Variants in PSEN1 observed in about 807,000 individuals in gnomAD.
The protein encoded by PSEN1 is presenilin 1, also known as presenilin-1.
In PSEN1, 15 loss-of-function variants were observed where a neutral mutation model predicts 53.5. The ratio of observed to expected loss-of-function variants is 0.28; its 90% confidence interval spans 0.19 to 0.43. The LOEUF (loss-of-function observed/expected upper bound fraction) is 0.43, where lower values mean the gene tolerates loss of function less well. PSEN1 is among the 20% of genes least tolerant of loss of function. The pLI, the probability that PSEN1 is intolerant of heterozygous loss-of-function variation, is 1.00. For synonymous variants in PSEN1, 208 were observed against 209.8 expected, an observed-to-expected ratio of 0.99 and a Z score of 0.08; for missense variants, 387 against 571.2, an observed-to-expected ratio of 0.68 and a Z score of 3.29.
intron 3 of PSEN1, among the ~76,000 whole-genome samples, chr14:73,162,131 A>G (rs1033306436): frequency 6.6e-6 from 1 of 151,216 alleles, no homozygotes; most frequent in Admixed American, 6.6e-5. Context: ...GTGAGCCAAG[A>G]TTGCGCCACT....
At chr14:73,177,484 G>T (rs1030157276) in intron 5 of PSEN1, among the ~76,000 whole-genome samples, 1 of 152,180 alleles carries the variant, frequency 6.6e-6, no homozygotes, top group African/African-American at 2.4e-5. Context: ...GAGCCGCTAT[G>T]CCAGGACAGC....
At chr14:73,184,660 C>T (rs1898403284) in intron 5 of PSEN1, among the ~76,000 whole-genome samples, 1 of 147,116 alleles carries the variant, frequency 6.8e-6, no homozygotes, top group Non-Finnish European at 1.5e-5. Context: ...CCCCCCACCT[C>T]CCTCCCGGAC....
intron 5 of PSEN1, among the ~76,000 whole-genome samples, chr14:73,177,573 A>G (rs1898082456): frequency 6.6e-6 from 1 of 152,156 alleles, no homozygotes. Context: ...AGCTGGCCTC[A>G]ATTTGTTTTA....
Position 73,179,541 on chromosome 14 carries a change from C to T in PSEN1, c.480+5834C>T, listed in dbSNP as rs535702249. Among the ~76,000 whole-genome samples the T allele has an allele frequency of 3.3e-5, 5 of 152,196 alleles. No homozygotes were observed. The East Asian group carries it at 7.7e-4, about 24-fold the overall frequency. On this transcript the variant is annotated intron_variant, in intron 5 of 11. Coordinates refer to ENST00000324501, the MANE Select transcript of PSEN1 (RefSeq NM_000021.4). ...CTGAGGCAGGAGTATTGCTTGAACC[C>T]GGGAGGCAGAGGTTGCAGTGAGCCA... is the stretch of plus-strand genomic sequence containing the variant.
In PSEN1 at chr14:73,210,884, A is replaced by C. The variant is rs140481942; in HGVS notation, c.956-885A>C. Among the ~76,000 whole-genome samples, 499 of 152,312 alleles carry C rather than the reference A, an allele frequency of 3.3e-3. 2 individuals are homozygous for C. The highest frequency in any genetic ancestry group is 6.1e-3 in the Non-Finnish European group (413 of 68,022). ...ACTTTGAACTTCACTTATATATTTT[A>C]ATTATTTTTAATGTATGGAAGTTTT... On this transcript the variant is annotated intron_variant, in intron 9 of 11. Coordinates refer to ENST00000324501, the MANE Select transcript of PSEN1 (RefSeq NM_000021.4).
chr14:73,185,472 GCAA>G (rs1349647807), intron 5 of PSEN1, among the ~76,000 whole-genome samples: 1 of 152,232 alleles, frequency 6.6e-6, no homozygotes, highest in Admixed American at 6.5e-5. Flanking sequence ...GCGTGAGTCT[GCAA>G]TCGCAGGCAC....
At chr14:73,143,677 G>A (rs950765975) in intron 1 of PSEN1, among the ~76,000 whole-genome samples, 8 of 152,078 alleles carry the variant, frequency 5.3e-5, no homozygotes, top group African/African-American at 1.4e-4. Flanking sequence ...TGTAATAACC[G>A]AACAGATCCT....
chr14:73,171,378 TG>T (rs1370888561), intron 4 of PSEN1, among the ~76,000 whole-genome samples: 11 of 152,234 alleles, frequency 7.2e-5, no homozygotes, highest in Non-Finnish European at 1.5e-5. Context: ...TTTCTAACTT[TG>T]GTGGATTAAA....
intron 6 of PSEN1, among the ~76,000 whole-genome samples, chr14:73,190,954 A>G (rs973538096): frequency 6.6e-6 from 1 of 152,250 alleles, no homozygotes; most frequent in Non-Finnish European, 1.5e-5. Context: ...TGGAATTTCA[A>G]AGTGGGAGAG....
intron 9 of PSEN1, among the ~76,000 whole-genome samples, chr14:73,210,521 T>C (rs1899634352): frequency 6.6e-6 from 1 of 152,118 alleles, no homozygotes; most frequent in South Asian, 2.1e-4. Context: ...TTATAATTAA[T>C]TATGGAGGTA....
intron 1 of PSEN1, among the ~76,000 whole-genome samples, chr14:73,143,583 G>C (rs982810878): frequency 6.6e-6 from 1 of 152,164 alleles, no homozygotes; most frequent in Non-Finnish European, 1.5e-5. Context: ...ATGCTAAAGT[G>C]ACTGCTGTGT....
At chr14:73,142,648 T>C (rs141165471) in intron 1 of PSEN1, among the ~76,000 whole-genome samples, 166 of 152,304 alleles carry the variant, frequency 1.1e-3, no homozygotes, top group African/African-American at 3.4e-3. Context: ...AATAAACTTA[T>C]TGTGAGATTC....
At chr14:73,172,792 G>T (rs532015003) in intron 4 of PSEN1, among the ~76,000 whole-genome samples, 1 of 152,312 alleles carries the variant, frequency 6.6e-6, no homozygotes, top group East Asian at 1.9e-4. Flanking sequence ...GTGGCTTCAC[G>T]TTCATCAAGG....
chr14:73,164,863 C>CAT (rs149166990), intron 3 of PSEN1, among the ~76,000 whole-genome samples: 8,668 of 152,052 alleles, frequency 0.057, 330 homozygotes, highest in Non-Finnish European at 0.089. Flanking sequence ...CTTTTATTTT[C>CAT]ATATATATAT....
intron 9 of PSEN1, among the ~76,000 whole-genome samples, chr14:73,210,992 C>T (rs567918923): frequency 3.3e-5 from 5 of 152,222 alleles, no homozygotes; most frequent in African/African-American, 7.2e-5. Flanking sequence ...ATTCACTCCC[C>T]GCTCCTTTCC....
chr14:73,171,516 A>C (rs147796167), intron 4 of PSEN1, among the ~76,000 whole-genome samples: 1 of 152,186 alleles, frequency 6.6e-6, no homozygotes, highest in Non-Finnish European at 1.5e-5. Flanking sequence ...AGAAGGGTGC[A>C]CCCTTACAGA....
chr14:73,188,955 T>A (rs1201959341), intron 6 of PSEN1, among the ~76,000 whole-genome samples: 2 of 152,102 alleles, frequency 1.3e-5, no homozygotes, highest in East Asian at 3.9e-4. Context: ...TATGCCCGGC[T>A]AATTTTTGCA....
At chr14:73,177,991 G>A (rs974467946) in intron 5 of PSEN1, among the ~76,000 whole-genome samples, 5 of 151,310 alleles carry the variant, frequency 3.3e-5, no homozygotes, top group African/African-American at 4.9e-5. Context: ...ACAGAGTGGC[G>A]CACTGCAACC....
intron 1 of PSEN1, among the ~76,000 whole-genome samples, chr14:73,141,796 C>T (rs997778862): frequency 4.2e-5 from 6 of 144,002 alleles, no homozygotes; most frequent in East Asian, 4.2e-4. Flanking sequence ...GGCCGGGTGC[C>T]GTGGCTCACG....
Sources: allele counts gnomAD v4.1 joint callset (sites outside exome capture counted in the v4.1 genomes callset), GRCh38; gene constraint gnomAD v4.1.1; transcripts MANE v1.5; gene names NCBI Gene and HGNC (gene_info 2026-07-23, HGNC 2026-07-21).